DNAH17: variants seen among roughly 807,000 people sequenced by gnomAD.
The protein encoded by DNAH17 is axonemal beta dynein heavy chain 17.
A neutral mutation model predicts 485.6 loss-of-function variants in DNAH17; 376 were observed. The observed-to-expected ratio is 0.77, with a 90% CI of 0.71 to 0.84. DNAH17 has a LOEUF of 0.84. Among genes scored for constraint, DNAH17 ranks in the 40% least tolerant of loss-of-function variants. The pLI is 0.00. For synonymous variants in DNAH17, 3,031 were observed against 2,405.9 expected, an observed-to-expected ratio of 1.26 and a Z score of -7.60; for missense variants, 6,370 against 5,839.3, an observed-to-expected ratio of 1.09 and a Z score of -2.96.
chr17:78,527,611 G>A (rs1484366186), intron 22 of DNAH17, among the ~76,000 whole-genome samples: 1 of 152,032 alleles, frequency 6.6e-6, no homozygotes, highest in African/African-American at 2.4e-5. Context: ...TTACAACAGA[G>A]GAATTCCCTT....
In DNAH17 at chr17:78,552,710, G is replaced by A. The variant is rs138482927; in HGVS notation, c.2274C>T (p.Phe758=). The A allele has an allele frequency of 7.6e-5, 123 of 1,613,742 alleles. 1 individual carries two copies. The African/African-American group carries it at 1.2e-3, about 16-fold the overall frequency. The part of the protein sequence containing the change: ...VKLLSAETTL[F]WNGEGVFQYI... ...TGGCCTCCGTACCTTCGCCATTCCA[G>A]AATAATGTCGTTTCAGCGCTCAATA... The change falls in exon 15 of 81, where the codon TTC becomes TTT. Residue 758 remains phenylalanine (F), a synonymous_variant. Transcript: ENST00000389840.
intron 14 of DNAH17, among the ~76,000 whole-genome samples, chr17:78,554,511 C>G (rs2091979099): frequency 7.2e-6 from 1 of 138,788 alleles, no homozygotes; most frequent in Admixed American, 7.5e-5. Context: ...TTGCCCTACT[C>G]TAAGAAATTA....
At chr17:78,485,057 G>A (rs774452826) in intron 47 of DNAH17, 24 bp from the exon 48 acceptor site, 6 of 1,572,422 alleles carry the variant, frequency 3.8e-6, no homozygotes, top group South Asian at 2.4e-5. Context: ...AGGGTCAGCT[G>A]CCCGCCTGCG....
At chr17:78,552,871 G>C in intron 14 of DNAH17, 66 bp from the exon 15 acceptor site, 2 of 1,129,488 alleles carry the variant, frequency 1.8e-6, no homozygotes, top group Non-Finnish European at 2.7e-6. Context: ...CTCTGGTAAG[G>C]ACCTTTTATT....
rs1300487741 is a variant in DNAH17 at position 78,566,687 on chromosome 17, T to G, written c.1496A>C (p.Asp499Ala). 6.2e-7 allele frequency: 1 copy of G among 1,610,046 alleles called. No homozygotes were observed. The highest frequency in any genetic ancestry group is 8.5e-7 in the Non-Finnish European group (1 of 1,178,216). The stretch of plus-strand genomic sequence containing the variant: ...GATCGTGGCCAGCCTCCTATCCAGG[T>G]CTTGGATTTTGATCTCAAAATCAGC... ...DYADFEIKIQ[D>A]LDRRLATIFC... The change falls in exon 11 of 81, where the codon GAC becomes GCC. Residue 499 changes from aspartate to alanine, a missense_variant. Physicochemically the swap from Asp to Ala is moderately radical, Grantham distance 126 (BLOSUM62 -2). Transcript: ENST00000389840.
rs369747701 is a variant in DNAH17, at chr17:78,426,960, C to T, written c.12737G>A (p.Arg4246His). 1.4e-5 allele frequency: 22 copies of T among 1,609,824 alleles called. No individual in the cohort carries two copies. Among genetic ancestry groups the T allele is most frequent in the Middle Eastern group, 1.6e-4 (1 of 6,078 alleles). Reference sequence around the variant, plus strand: ...CAGGTTCAGCTCCTTGAGCGAACGGCGCATTTCGTTGGTCAGGATGTTCAT... The same window carrying T: ...CAGGTTCAGCTCCTTGAGCGAACGGTGCATTTCGTTGGTCAGGATGTTCAT... ...ERMNILTNEMRRSLKELNLGL... is the reference protein window; with the variant it reads ...ERMNILTNEMHRSLKELNLGL... Residue 4246 changes from arginine (R) to histidine (H), a missense_variant, in exon 78 of 81, where the codon CGC becomes CAC. By Grantham distance (29) the Arg-to-His change is conservative. Coordinates refer to ENST00000389840, the MANE Select transcript of DNAH17 (RefSeq NM_173628.4).
rs1242162676 is a variant in DNAH17, at chr17:78,537,497, G to T, written c.2677-16C>A. On this transcript the variant is annotated splice_polypyrimidine_tract_variant and intron_variant, in intron 18 of 80. Transcript: ENST00000389840. ...CGATACTCTCCTGAAAGAGGGGTGG[G>T]GTTGGCAGTGGTCAACACCTCTGTC... The T allele has an allele frequency of 6.2e-7, 1 of 1,611,922 alleles. No individual in the cohort carries two copies.
intron 63 of DNAH17, among the ~76,000 whole-genome samples, chr17:78,455,139 A>G (rs879598178): frequency 7.0e-4 from 106 of 151,702 alleles, no homozygotes; most frequent in Admixed American, 2.2e-3. Context: ...TGAACTCCTG[A>G]CCTCAGGTGA....
At position 78,570,990 on chromosome 17, in the gene DNAH17, T is replaced by C; in HGVS notation, c.876A>G (p.Leu292=). 1 of 1,584,028 alleles carries C rather than the reference T, an allele frequency of 6.3e-7. No individual in the cohort carries two copies. Among genetic ancestry groups the C allele is most frequent in the Non-Finnish European group, 8.6e-7 (1 of 1,165,252 alleles). Residue 292 remains leucine, a synonymous_variant, in exon 6 of 81, where the codon CTA becomes CTG. Coordinates refer to ENST00000389840, the MANE Select transcript of DNAH17 (RefSeq NM_173628.4). ...GTTCCATCTCCTCCAGCAGGATCCG[T>C]AGGGGCTTCAAATAGAGCACGATGT... The part of the protein sequence containing the change: ...ANDIVLYLKP[L]RILLEEMEQA...
Position 78,425,335 on chromosome 17 carries a change from G to A in DNAH17, c.13141+11C>T. The A allele has an allele frequency of 1.2e-6, 2 of 1,611,446 alleles. No homozygotes were observed. The highest frequency in any genetic ancestry group is 1.7e-6 in the Non-Finnish European group (2 of 1,177,982). Reference sequence around the variant, plus strand: ...TGGAAGCTTCTGCAGACAGACAAGAGCCCTCCTTACCTTCCATGAAGAGTC... The same window carrying A: ...TGGAAGCTTCTGCAGACAGACAAGAACCCTCCTTACCTTCCATGAAGAGTC... On this transcript the variant is annotated intron_variant, in intron 80 of 80. Transcript: ENST00000389840.
intron 50 of DNAH17, 131 bp downstream of exon 50, chr17:78,479,354 A>AT: frequency 8.0e-7 from 1 of 1,254,300 alleles, no homozygotes; most frequent in Non-Finnish European, 1.1e-6. Flanking sequence ...CTGTCGAAAC[A>AT]TAGCATCGTT....
rs756743747 is a variant in DNAH17, at chr17:78,485,963, C to T, written c.7272G>A (p.Leu2424=). 2.5e-6 allele frequency: 4 copies of T among 1,611,624 alleles called. No homozygotes were observed. Among genetic ancestry groups the T allele is most frequent in the African/African-American group, 1.3e-5 (1 of 74,890 alleles). The part of the protein sequence containing the change: ...PSFELDPDVP[L]QASLVHTTET... ...GCCCTGCTTTGGGGACAGTTACCTG[C>T]AGTGGGACATCGGGATCCAGCTCAA... is the stretch of plus-strand genomic sequence containing the variant. Residue 2424 remains leucine (L), a synonymous_variant, in exon 46 of 81, where the codon CTG becomes CTA. Transcript: ENST00000389840.
chr17:78,466,667 A>G lies in DNAH17; in HGVS notation c.8928T>C (p.Thr2976=), dbSNP rs1413947398. ...VSVSARFLEE[T]EGIPWEVKAS... is the part of the protein sequence containing the mutation. ...CTCAGTGACTCACCGGAATCCCCTC[A>G]GTCTCCTCCAGGAAGCGGGCGCTGA... is the stretch of plus-strand genomic sequence containing the variant. Residue 2976 remains threonine, a synonymous_variant, in exon 56 of 81, where the codon ACT becomes ACC. Transcript: ENST00000389840. 14 of 1,609,820 alleles carry G rather than the reference A, an allele frequency of 8.7e-6. No individual in the cohort carries two copies. Among genetic ancestry groups the G allele is most frequent in the Non-Finnish European group, 1.7e-6 (2 of 1,178,196 alleles).
At chr17:78,425,300 G>A in intron 80 of DNAH17, 46 bp downstream of exon 80, 1 of 1,569,514 alleles carries the variant, frequency 6.4e-7, no homozygotes, top group Non-Finnish European at 8.7e-7. Context: ...TTGGCAAGTA[G>A]CACTGGCTCT....
At chr17:78,463,904 C>G (rs116077989) in intron 56 of DNAH17, among the ~76,000 whole-genome samples, 1 of 152,212 alleles carries the variant, frequency 6.6e-6, no homozygotes, top group African/African-American at 2.4e-5. Flanking sequence ...GGGCCAATGC[C>G]TGTTTCTAGG....
intron 19 of DNAH17, 22 bp from the exon 20 acceptor site, chr17:78,532,758 C>T (rs1568209235): frequency 1.9e-6 from 3 of 1,547,418 alleles, no homozygotes. Context: ...AGGGGAGAAG[C>T]AAAAAGGGGA....
Position 78,439,279 on chromosome 17 carries a change from G to A in DNAH17, c.11678-62C>T, listed in dbSNP as rs1598450246. On this transcript the variant is annotated intron_variant, in intron 72 of 80. Coordinates refer to ENST00000389840, the MANE Select transcript of DNAH17 (RefSeq NM_173628.4). ...ATTAAATGACACAGGTTCAGGCTCT[G>A]TGATCTACAGCCAGGAATTCCACAT... is the stretch of plus-strand genomic sequence containing the variant. 3 of 1,517,408 alleles carry A rather than the reference G, an allele frequency of 2.0e-6. No individual in the cohort carries two copies. The East Asian group carries it at 6.9e-5, about 35-fold the overall frequency. The allele number at this position is 1,517,408 out of a possible 1,614,324, so 94.0% of individuals were successfully genotyped here.
chr17:78,566,753 A>G lies in DNAH17; in HGVS notation c.1453-23T>C, dbSNP rs770617103. 21 of 1,557,382 alleles carry G rather than the reference A, an allele frequency of 1.3e-5. 1 individual carries two copies. The highest frequency in any genetic ancestry group is 1.8e-5 in the Non-Finnish European group (21 of 1,145,140). Reference sequence around the variant, plus strand: ...ATTCTAAAAGCAAATGGAAATGTCAACCTTGTAATCAGCGTGCAAAGCAAG... The same window carrying G: ...ATTCTAAAAGCAAATGGAAATGTCAGCCTTGTAATCAGCGTGCAAAGCAAG... On this transcript the variant is annotated intron_variant, in intron 10 of 80. Coordinates refer to ENST00000389840, the MANE Select transcript of DNAH17 (RefSeq NM_173628.4).
Position 78,552,783 on chromosome 17 carries a change from A to C in DNAH17, c.2201T>G (p.Val734Gly). 1 of 1,612,486 alleles carries C rather than the reference A, an allele frequency of 6.2e-7. No individual in the cohort carries two copies. Among genetic ancestry groups the C allele is most frequent in the East Asian group, 2.2e-5 (1 of 44,872 alleles). Reference protein sequence around the residue: ...YNEIKTIVKAVEFLLIKSELE... With the variant: ...YNEIKTIVKAGEFLLIKSELE... ...TTCTGACTTTATTAGTAGAAATTCT[A>C]CTGCCTTCACTATAGTCTTTATCTG... Residue 734 changes from valine to glycine, a missense_variant, in exon 15 of 81, where the codon GTA becomes GGA. Physicochemically the swap from Val to Gly is moderately radical, Grantham distance 109. Coordinates refer to ENST00000389840, the MANE Select transcript of DNAH17 (RefSeq NM_173628.4).
Sources: gnomAD v4.1 joint callset for allele counts (sites outside exome capture counted in the v4.1 genomes callset) on GRCh38, gnomAD v4.1.1 for gene constraint, MANE v1.5 for transcripts, NCBI Gene and HGNC (gene_info 2026-07-23, HGNC 2026-07-21) for gene names.